The following SSBP3 variants were observed in gnomAD, a reference collection of about 807,000 sequenced individuals.
The protein encoded by SSBP3 is single-stranded DNA-binding protein 3.
In SSBP3, 5 loss-of-function variants were observed where a neutral mutation model predicts 69.6. The ratio of observed to expected loss-of-function variants is 0.07; its 90% CI spans 0.04 to 0.15. The LOEUF is 0.15. Among genes scored for constraint, SSBP3 ranks in the 10% least tolerant of loss-of-function variants. SSBP3 has a pLI of 1.00. For synonymous variants in SSBP3, 196 were observed against 193.4 expected (o/e 1.01, Z -0.11); for missense variants, 312 against 534.0 (o/e 0.58, Z 4.10).
intron 5 of SSBP3, among the ~76,000 whole-genome samples, chr1:54,272,612 G>A (rs868807098): frequency 3.9e-5 from 6 of 151,968 alleles, no homozygotes; most frequent in Non-Finnish European, 7.4e-5. Context: ...CTCCAGCCCC[G>A]CAGGGGTCTC....
At chr1:54,399,818 G>C (rs1424681728) in intron 4 of SSBP3, among the ~76,000 whole-genome samples, 1 of 152,132 alleles carries the variant, frequency 6.6e-6, no homozygotes, top group Admixed American at 6.5e-5. Flanking sequence ...GTTCTTCTTA[G>C]TTTTCCACTT....
intron 4 of SSBP3, among the ~76,000 whole-genome samples, chr1:54,347,856 C>A (rs1392968356): frequency 1.3e-5 from 2 of 152,206 alleles, no homozygotes; most frequent in Non-Finnish European, 2.9e-5. Flanking sequence ...GGGCACCTTC[C>A]TCGTGAACTT....
intron 4 of SSBP3, among the ~76,000 whole-genome samples, chr1:54,387,377 G>A (rs1316914130): frequency 6.6e-6 from 1 of 152,188 alleles, no homozygotes; most frequent in Non-Finnish European, 1.5e-5. Flanking sequence ...AAGAAAGGAA[G>A]GATTTCCAAC....
chr1:54,369,336 T>C (rs1413801478), intron 4 of SSBP3, among the ~76,000 whole-genome samples: 1 of 146,428 alleles, frequency 6.8e-6, no homozygotes, highest in Non-Finnish European at 1.5e-5. Context: ...CTGGGAGGCC[T>C]GCCTATGCAG....
intron 3 of SSBP3, 134 bp downstream of exon 3, chr1:54,404,442 T>G (rs924312882): frequency 2.4e-5 from 26 of 1,061,248 alleles, no homozygotes; most frequent in Non-Finnish European, 3.7e-5. Flanking sequence ...CCGGAGTGCC[T>G]CGAGGTGCCC....
intron 9 of SSBP3, among the ~76,000 whole-genome samples, chr1:54,246,776 C>T (rs1270056456): frequency 1.3e-5 from 2 of 152,244 alleles, no homozygotes; most frequent in Non-Finnish European, 1.5e-5. Flanking sequence ...CAGAGACATG[C>T]CCAAGGCCAC....
chr1:54,406,041 G>A lies in SSBP3; in HGVS notation c.-33C>T, dbSNP rs1557600063. On this transcript the variant is annotated 5_prime_UTR_variant, in exon 1 of 18. Transcript: ENST00000610401. ...AGGGAAGAGGGCGCCGAGCCTCGCCGCCGCCGCCGCCGCCGCCGCTACCGC... is the reference window on the plus strand; with the variant it reads ...AGGGAAGAGGGCGCCGAGCCTCGCCACCGCCGCCGCCGCCGCCGCTACCGC... 9 of 1,299,916 alleles carry A rather than the reference G, an allele frequency of 6.9e-6. No homozygotes were observed. The South Asian group carries it at 1.0e-4, about 15-fold the overall frequency. The allele number at this position is 1,299,916 out of a possible 1,614,324, so 80.5% of individuals were successfully genotyped here. A position where few individuals can be genotyped will look rare whatever the true frequency, so the allele number is the denominator to read the frequency against.
intron 4 of SSBP3, among the ~76,000 whole-genome samples, chr1:54,346,936 T>C (rs1417966119): frequency 6.6e-6 from 1 of 152,076 alleles, no homozygotes; most frequent in African/African-American, 2.4e-5. Context: ...TTGAGTCCTT[T>C]ACATAAAATG....
rs569396179 is a variant in SSBP3 at position 54,271,788 on chromosome 1, G to C, written c.366+9650C>G. ...CTTTTCTTTTTCTTTTTCTTTTTTT[G>C]AGATAGAGTCTTGCTTTGTCCTCTA... On this transcript the variant is annotated intron_variant, in intron 5 of 17. Transcript: ENST00000610401. 1.7e-4 allele frequency among the ~76,000 whole-genome samples: 26 copies of C among 151,860 alleles called. No individual in the cohort carries two copies. The East Asian group carries it at 3.7e-3, about 22-fold the overall frequency.
intron 4 of SSBP3, among the ~76,000 whole-genome samples, chr1:54,286,161 A>AT (rs1368840969): frequency 6.6e-6 from 1 of 152,108 alleles, no homozygotes; most frequent in Non-Finnish European, 1.5e-5. Context: ...GAGCCCACAG[A>AT]TAACAGTGGG....
At chr1:54,297,184 C>T (rs1177253822) in intron 4 of SSBP3, among the ~76,000 whole-genome samples, 1 of 152,196 alleles carries the variant, frequency 6.6e-6, no homozygotes, top group Non-Finnish European at 1.5e-5. Context: ...AAGGGAAAGA[C>T]CTTAACCCTG....
intron 14 of SSBP3, 75 bp from the exon 15 acceptor site, chr1:54,228,901 G>T: frequency 6.7e-7 from 1 of 1,486,254 alleles, no homozygotes; most frequent in Non-Finnish European, 9.2e-7. Flanking sequence ...GGGGGCTGCA[G>T]CCACGCTTGA....
At chr1:54,281,274 G>A (rs1645386536) in intron 5 of SSBP3, among the ~76,000 whole-genome samples, 164 bp downstream of exon 5, 1 of 152,186 alleles carries the variant, frequency 6.6e-6, no homozygotes, top group Non-Finnish European at 1.5e-5. Flanking sequence ...CTTTTAGAAG[G>A]ACTGTTGAAA....
chr1:54,355,936 G>A (rs1036771379), intron 4 of SSBP3, among the ~76,000 whole-genome samples: 59 of 152,162 alleles, frequency 3.9e-4, no homozygotes, highest in Admixed American at 3.3e-4. Flanking sequence ...CGCAGTGCTC[G>A]TGCCATCAAC....
intron 4 of SSBP3, among the ~76,000 whole-genome samples, chr1:54,316,500 G>A (rs1319163911): frequency 4.1e-5 from 6 of 146,860 alleles, no homozygotes; most frequent in East Asian, 2.0e-4. Context: ...AATTAGCCGG[G>A]CGCGGTGGCG....
chr1:54,377,195 C>A (rs1033967497), intron 4 of SSBP3, among the ~76,000 whole-genome samples: 2 of 152,180 alleles, frequency 1.3e-5, no homozygotes, highest in African/African-American at 4.8e-5. Context: ...TGAAAGCATA[C>A]CCCTTTCCCC....
At chr1:54,332,820 C>G (rs1160267788) in intron 4 of SSBP3, among the ~76,000 whole-genome samples, 2 of 152,204 alleles carry the variant, frequency 1.3e-5, no homozygotes, top group Non-Finnish European at 2.9e-5. Context: ...TCAAGCGCAT[C>G]AGAGAGTCAG....
intron 5 of SSBP3, among the ~76,000 whole-genome samples, chr1:54,266,243 A>G (rs1392549582): frequency 6.6e-6 from 1 of 152,248 alleles, no homozygotes; most frequent in Non-Finnish European, 1.5e-5. Flanking sequence ...ACCAAGCTGC[A>G]TACCAGGGCA....
upstream of SSBP3, among the ~76,000 whole-genome samples, chr1:54,408,131 C>T (rs903597874): frequency 6.6e-6 from 1 of 152,144 alleles, no homozygotes; most frequent in Non-Finnish European, 1.5e-5. Context: ...CTGCTCCCTT[C>T]CAGGACCCAG....
Sources: gnomAD v4.1 joint callset for allele counts (sites outside exome capture counted in the v4.1 genomes callset) on GRCh38, gnomAD v4.1.1 for gene constraint, MANE v1.5 for transcripts, NCBI Gene and HGNC (gene_info 2026-07-23, HGNC 2026-07-21) for gene names.